MYEF2: variants seen among roughly 807,000 people sequenced by gnomAD.
MYEF2 encodes myelin expression factor 2.
A neutral mutation model predicts 75.2 loss-of-function variants in MYEF2; 37 were observed. The ratio of observed to expected loss-of-function variants is 0.49; its 90% CI spans 0.38 to 0.65. MYEF2 has a LOEUF of 0.65. Among genes scored for constraint, MYEF2 ranks in the 30% least tolerant of loss-of-function variants. The pLI is 0.00. For synonymous variants in MYEF2, 195 were observed against 241.6 expected (o/e 0.81, Z 1.79); for missense variants, 634 against 771.4 (o/e 0.82, Z 2.11).
intron 5 of MYEF2, chr15:48,162,595 T>C (rs1018262368): frequency 3.3e-5 from 5 of 152,210 alleles, no homozygotes; most frequent in Admixed American, 1.3e-4. Context: ...TTTGCAGATA[T>C]TGCACTTTTT....
intron 5 of MYEF2, among the ~76,000 whole-genome samples, chr15:48,160,486 T>TACACACACACACACACAC (rs372090273): frequency 7.9e-5 from 11 of 139,216 alleles, no homozygotes; most frequent in African/African-American, 2.9e-4. Context: ...AAACCAAACA[T>TACACACACACACACACAC]ACACACACAC....
rs1002233189 is a variant in MYEF2, at chr15:48,152,238, T to C, written c.1134A>G (p.Gly378=). 1 of 1,610,946 alleles carries C rather than the reference T, an allele frequency of 6.2e-7. No individual in the cohort carries two copies. Among genetic ancestry groups the C allele is most frequent in the African/African-American group, 1.3e-5 (1 of 74,760 alleles). Residue 378 remains glycine, a synonymous_variant, in exon 11 of 17, where the codon GGA becomes GGG. Coordinates refer to ENST00000324324, the MANE Select transcript of MYEF2 (RefSeq NM_016132.5). ...GPGFGGMNRI[G]GGIGFGGLEA... is the part of the protein sequence containing the mutation. ...AAAACAAATCTTTATACATACCTCCTCCAATTCTATTCATTCCTCCAAAAC... is the reference window on the plus strand; with the variant it reads ...AAAACAAATCTTTATACATACCTCCCCCAATTCTATTCATTCCTCCAAAAC...
chr15:48,134,926 G>A lies in MYEF2; in HGVS notation c.*7982C>T. On this transcript the variant is annotated 3_prime_UTR_variant, in exon 17 of 17. Transcript: ENST00000324324. ...TTGGCCCCTATTCAGAGACTGTGCA[G>A]CGTACACAATTAGTGCAGCAGCAGT... 1.2e-6 allele frequency: 2 copies of A among 1,612,542 alleles called. No homozygotes were observed. Among genetic ancestry groups the A allele is most frequent in the Non-Finnish European group, 1.7e-6 (2 of 1,178,964 alleles).
In MYEF2 at chr15:48,136,940, A is replaced by G; in HGVS notation, c.*5968T>C. The stretch of plus-strand genomic sequence containing the variant: ...TACTCTCAGCTCTCTATAAGTTTAC[A>G]TGGCCTTAGTCAGGTTTCTGAAGGT... On this transcript the variant is annotated 3_prime_UTR_variant, in exon 17 of 17. Transcript: ENST00000324324. The G allele has an allele frequency of 6.2e-7, 1 of 1,612,950 alleles. No individual in the cohort carries two copies. The highest frequency in any genetic ancestry group is 8.5e-7 in the Non-Finnish European group (1 of 1,179,108).
At position 48,142,735 on chromosome 15, in the gene MYEF2, G is replaced by C; in HGVS notation, c.*173C>G. 1.6e-6 allele frequency: 1 copy of C among 615,384 alleles called. No homozygotes were observed. The highest frequency in any genetic ancestry group is 1.9e-5 in the African/African-American group (1 of 51,616). The allele number at this position is 615,384 out of a possible 1,614,324, so 38.1% of individuals were successfully genotyped here. A position where few individuals can be genotyped will look rare whatever the true frequency, so the allele number is the denominator to read the frequency against. Reference sequence around the variant, plus strand: ...TTGCTGTCTTTAAAAACCCAAACTTGAGATTAACAAAAATTACAGTATATT... The same window carrying C: ...TTGCTGTCTTTAAAAACCCAAACTTCAGATTAACAAAAATTACAGTATATT... On this transcript the variant is annotated 3_prime_UTR_variant, in exon 17 of 17. Transcript: ENST00000324324.
At chr15:48,166,401 T>C (rs1415406828) in intron 3 of MYEF2, among the ~76,000 whole-genome samples, 1 of 151,966 alleles carries the variant, frequency 6.6e-6, no homozygotes, top group Non-Finnish European at 1.5e-5. Flanking sequence ...AAGTTAAAAT[T>C]AATGTCACTG....
At position 48,135,156 on chromosome 15, in the gene MYEF2, C is replaced by T. The variant is rs2038865865; in HGVS notation, c.*7752G>A. The stretch of plus-strand genomic sequence containing the variant: ...ACAATTGCTGATTGAGTTCTTCTCA[C>T]TAGTTTGCAATTTCTTCTTAATCAC... On this transcript the variant is annotated 3_prime_UTR_variant, in exon 17 of 17. Transcript: ENST00000324324. 3 of 511,942 alleles carry T rather than the reference C, an allele frequency of 5.9e-6. No individual in the cohort carries two copies. Among genetic ancestry groups the T allele is most frequent in the Non-Finnish European group, 3.5e-6 (1 of 285,346 alleles). 31.7% of individuals were successfully genotyped at this position (511,942 alleles called of 1,614,324 possible). A position where few individuals can be genotyped will look rare whatever the true frequency, so the allele number is the denominator to read the frequency against.
rs578023078 is a variant in MYEF2 at position 48,177,865 on chromosome 15, C to A, written c.161+212G>T. On this transcript the variant is annotated intron_variant, in intron 1 of 16. Transcript: ENST00000324324. ...GCGCTGGTCCCCGGGCCCCCAGCCC[C>A]GGCTCCCAGACCACAGGCGGCCAGG... Among the ~76,000 whole-genome samples the A allele has an allele frequency of 2.0e-5, 3 of 152,214 alleles. No homozygotes were observed. The South Asian group carries it at 6.2e-4, about 32-fold the overall frequency.
In MYEF2 at chr15:48,158,857, C is replaced by T; in HGVS notation, c.783G>A (p.Arg261=). ...CATCTTTGTCTTCTTTAATATCTGC[C>T]CGCTTCACAGTTCCAGCTATGCTGA... ...EVFSIAGTVK[R]ADIKEDKDGK... is the part of the protein sequence containing the mutation. Residue 261 remains arginine, a synonymous_variant, in exon 7 of 17, where the codon CGG becomes CGA. Coordinates refer to ENST00000324324, the MANE Select transcript of MYEF2 (RefSeq NM_016132.5). 2 of 1,613,752 alleles carry T rather than the reference C, an allele frequency of 1.2e-6. No individual in the cohort carries two copies. The highest frequency in any genetic ancestry group is 1.7e-6 in the Non-Finnish European group (2 of 1,179,770).
At position 48,152,298 on chromosome 15, in the gene MYEF2, C is replaced by T. The variant is rs770747835; in HGVS notation, c.1088-14G>A. The T allele has an allele frequency of 4.4e-6, 7 of 1,596,836 alleles. No individual in the cohort carries two copies. The highest frequency in any genetic ancestry group is 6.0e-6 in the Non-Finnish European group (7 of 1,166,064). On this transcript the variant is annotated splice_polypyrimidine_tract_variant and intron_variant, in intron 10 of 16. Coordinates refer to ENST00000324324, the MANE Select transcript of MYEF2 (RefSeq NM_016132.5). The stretch of plus-strand genomic sequence containing the variant: ...CCATTCCCATACCTCAAATAAAATA[C>T]ACAGTATGTACTTTAAGTATATTTT...
chr15:48,176,866 TC>T (rs1276517593), intron 1 of MYEF2, among the ~76,000 whole-genome samples: 1 of 152,152 alleles, frequency 6.6e-6, no homozygotes, highest in Non-Finnish European at 1.5e-5. Context: ...TAAGTTCCAA[TC>T]TCTTATACCT....
At chr15:48,168,862 C>A (rs964738230) in intron 1 of MYEF2, 23 bp from the exon 2 acceptor site, 2 of 1,549,440 alleles carry the variant, frequency 1.3e-6, no homozygotes, top group African/African-American at 2.7e-5. Context: ...AAAAGTCAAA[C>A]AAACAAAAAC....
chr15:48,138,611 G>A lies in MYEF2; in HGVS notation c.*4297C>T, dbSNP rs577639648. On this transcript the variant is annotated 3_prime_UTR_variant, in exon 17 of 17. Coordinates refer to ENST00000324324, the MANE Select transcript of MYEF2 (RefSeq NM_016132.5). ...GAAGTGGAGACAACTGGAGTAGCTA[G>A]GTTAGAAACCAGGTTAATCCCTTAA... 10 of 180,840 alleles carry A rather than the reference G, an allele frequency of 5.5e-5. No homozygotes were observed. In the South Asian group the frequency reaches 9.6e-4, roughly 17 times the overall value. The allele number at this position is 180,840 out of a possible 1,614,324, so 11.2% of individuals were successfully genotyped here.
chr15:48,156,425 TAA>T (rs2039698537), intron 9 of MYEF2, among the ~76,000 whole-genome samples: 1 of 151,106 alleles, frequency 6.6e-6, no homozygotes, highest in African/African-American at 2.4e-5. Flanking sequence ...AGCAAAAACT[TAA>T]GAGATAATTT....
At chr15:48,166,203 T>A in intron 3 of MYEF2, 75 bp from the exon 4 acceptor site, 1 of 1,185,394 alleles carries the variant, frequency 8.4e-7, no homozygotes, top group South Asian at 1.5e-5. Flanking sequence ...TAATAATCAG[T>A]TCTAACATTT....
intron 16 of MYEF2, among the ~76,000 whole-genome samples, chr15:48,146,975 GGTATTATC>G (rs1319141334): frequency 1.3e-5 from 2 of 151,192 alleles, no homozygotes; most frequent in African/African-American, 4.9e-5. Context: ...GTGTAAATAT[GGTATTATC>G]TTAATATAAA....
rs928901596 is a variant in MYEF2, at chr15:48,140,329, T to G, written c.*2579A>C. On this transcript the variant is annotated 3_prime_UTR_variant, in exon 17 of 17. Transcript: ENST00000324324. Reference sequence around the variant, plus strand: ...CAATTCCAATATCAATGTATAAGCATGCAATAAATAAGCTACTTTCTAATT... The same window carrying G: ...CAATTCCAATATCAATGTATAAGCAGGCAATAAATAAGCTACTTTCTAATT... The G allele has an allele frequency of 6.6e-6, 1 of 151,796 alleles. No homozygotes were observed. The highest frequency in any genetic ancestry group is 2.4e-5 in the African/African-American group (1 of 41,300). The allele number at this position is 151,796 out of a possible 1,614,324, so 9.4% of individuals were successfully genotyped here.
In MYEF2 at chr15:48,166,098, T is replaced by C. The variant is rs189202006; in HGVS notation, c.431+23A>G. The C allele has an allele frequency of 1.4e-4, 216 of 1,578,844 alleles. 1 individual carries two copies. In the African/African-American group the frequency reaches 2.6e-3, roughly 19 times the overall value. ...TTCCAAAGTTTAATTTGACTTAAGA[T>C]ACTTAAAGAAAAAATTTCTTACCCA... is the stretch of plus-strand genomic sequence containing the variant. On this transcript the variant is annotated intron_variant, in intron 4 of 16. Transcript: ENST00000324324.
chr15:48,148,693 G>A (rs1453950445), intron 16 of MYEF2, among the ~76,000 whole-genome samples: 1 of 151,880 alleles, frequency 6.6e-6, no homozygotes, highest in African/African-American at 2.4e-5. Flanking sequence ...TATTTCTCAT[G>A]AGAAAAAAAG....
Sources: gnomAD v4.1 joint callset for allele counts (sites outside exome capture counted in the v4.1 genomes callset) on GRCh38, gnomAD v4.1.1 for gene constraint, MANE v1.5 for transcripts, NCBI Gene and HGNC (gene_info 2026-07-23, HGNC 2026-07-21) for gene names.